IGF2R: variants seen among roughly 807,000 people sequenced by gnomAD.
The protein encoded by IGF2R is insulin like growth factor 2 receptor.
In IGF2R, 91 loss-of-function variants were observed where a neutral mutation model predicts 270.6. The observed-to-expected ratio is 0.34, with a 90% CI of 0.28 to 0.40. IGF2R has a LOEUF of 0.40. Among genes scored for constraint, IGF2R ranks in the 10% least tolerant of loss-of-function variants. The pLI, the probability that IGF2R is intolerant of heterozygous loss-of-function variation, is 1.00. For missense variants in IGF2R, 2,805 were observed against 3,188.3 expected, an observed-to-expected ratio of 0.88 and a Z score of 2.90; for synonymous variants, 1,316 against 1,258.9, an observed-to-expected ratio of 1.05 and a Z score of -0.96.
At chr6:160,023,496 T>A (rs533523291) in intron 4 of IGF2R, among the ~76,000 whole-genome samples, 1 of 152,204 alleles carries the variant, frequency 6.6e-6, no homozygotes, top group Non-Finnish European at 1.5e-5. Context: ...ATAACACTTA[T>A]GCCAACCTGC....
At chr6:159,983,900 G>A (rs987874123) in intron 1 of IGF2R, among the ~76,000 whole-genome samples, 2 of 152,214 alleles carry the variant, frequency 1.3e-5, no homozygotes, top group African/African-American at 4.8e-5. Context: ...AAACCAGTTG[G>A]GTATGGGAAG....
At chr6:159,988,689 C>G (rs899373217) in intron 1 of IGF2R, among the ~76,000 whole-genome samples, 1 of 152,084 alleles carries the variant, frequency 6.6e-6, no homozygotes, top group Non-Finnish European at 1.5e-5. Flanking sequence ...AAGTTTGTCT[C>G]TGTTATCCTG....
intron 27 of IGF2R, among the ~76,000 whole-genome samples, 147 bp from the exon 28 acceptor site, chr6:160,064,247 AGTGTAAT>A (rs770754561): frequency 1.3e-5 from 2 of 152,178 alleles, no homozygotes; most frequent in African/African-American, 2.4e-5. Flanking sequence ...TTATTCCCAA[AGTGTAAT>A]GTGACAGGAG....
At chr6:160,052,603 C>G (rs1374244979) in intron 19 of IGF2R, among the ~76,000 whole-genome samples, 7 of 152,014 alleles carry the variant, frequency 4.6e-5, no homozygotes, top group Non-Finnish European at 1.5e-5. Flanking sequence ...CATATGGAAC[C>G]AAAAAAGAGC....
chr6:160,024,825 T>A, intron 5 of IGF2R, 121 bp downstream of exon 5: 2 of 1,146,632 alleles, frequency 1.7e-6, no homozygotes. Context: ...GGCCCTCTAA[T>A]AAAGCTTTTG....
chr6:160,038,371 G>C (rs1583273473), intron 10 of IGF2R, among the ~76,000 whole-genome samples: 1 of 152,172 alleles, frequency 6.6e-6, no homozygotes. Context: ...ACAGCTTACT[G>C]TTCTGCTAAA....
intron 29 of IGF2R, among the ~76,000 whole-genome samples, chr6:160,065,330 T>A (rs1432692755): frequency 6.6e-6 from 1 of 152,102 alleles, no homozygotes; most frequent in Non-Finnish European, 1.5e-5. Context: ...TGCGGTTCTG[T>A]TTTTTGGAGG....
intron 9 of IGF2R, among the ~76,000 whole-genome samples, chr6:160,033,414 G>A: frequency 6.6e-6 from 1 of 152,258 alleles, no homozygotes; most frequent in Non-Finnish European, 1.5e-5. Flanking sequence ...TGGATTAGAG[G>A]CGTGTGCCTT....
At position 160,050,278 on chromosome 6, in the gene IGF2R, C is replaced by T. The variant is rs17847633; in HGVS notation, c.2515-195C>T. ...TTGGTGCTCAATTGCATGCCTGGAA[C>T]GCAGCATGCAGTTGTTGTTAACTCT... On this transcript the variant is annotated intron_variant, in intron 18 of 47. Transcript: ENST00000356956. This position sits in a 1 kb window ranked among gnomAD's most constrained non-coding sequence, Gnocchi z 4.0. 4.6e-5 allele frequency among the ~76,000 whole-genome samples: 7 copies of T among 152,260 alleles called. No individual in the cohort carries two copies. The East Asian group carries it at 9.6e-4, about 21-fold the overall frequency.
rs1013476795 is a variant in IGF2R at position 159,998,697 on chromosome 6, T to G, written c.289+7374T>G. 3.9e-5 allele frequency among the ~76,000 whole-genome samples: 6 copies of G among 151,956 alleles called. No homozygotes were observed. The highest frequency in any genetic ancestry group is 1.4e-4 in the African/African-American group (6 of 41,416). ...CAGAGCTTGAAACTTCCAGAGGGAGTCATCATATATACTTTCAGGACTCTC... is the reference window on the plus strand; with the variant it reads ...CAGAGCTTGAAACTTCCAGAGGGAGGCATCATATATACTTTCAGGACTCTC... On this transcript the variant is annotated intron_variant, in intron 2 of 47. Coordinates refer to ENST00000356956, the MANE Select transcript of IGF2R (RefSeq NM_000876.4). This position sits in a 1 kb window ranked among gnomAD's most constrained non-coding sequence, Gnocchi z 4.1.
At chr6:160,049,587 G>C (rs561532208) in intron 18 of IGF2R, among the ~76,000 whole-genome samples, 1 of 152,174 alleles carries the variant, frequency 6.6e-6, no homozygotes, top group East Asian at 1.9e-4. Context: ...GAACTTCCGC[G>C]CTGCACTGCC....
In IGF2R at chr6:160,012,496, C is replaced by T. The variant is rs897796104; in HGVS notation, c.513+1711C>T. Among the ~76,000 whole-genome samples the T allele has an allele frequency of 1.9e-4, 29 of 151,996 alleles. 1 individual carries two copies. Among genetic ancestry groups the T allele is most frequent in the Non-Finnish European group, 4.4e-5 (3 of 68,012 alleles). On this transcript the variant is annotated intron_variant, in intron 4 of 47. Transcript: ENST00000356956. ...GAAGGCAACAGAGTATCGAGCACCT[C>T]ACGTGGCCAGAGCCTGAGGAAGAGA... is the stretch of plus-strand genomic sequence containing the variant.
intron 29 of IGF2R, among the ~76,000 whole-genome samples, chr6:160,067,984 T>A (rs1778621001): frequency 6.6e-6 from 1 of 152,084 alleles, no homozygotes; most frequent in African/African-American, 2.4e-5. Flanking sequence ...TGTTAAAATT[T>A]AAATTTTTTT....
At chr6:160,065,814 G>GTGTGTGTGTGTGTATATATATATATA in intron 29 of IGF2R, among the ~76,000 whole-genome samples, 2 of 78,388 alleles carry the variant, frequency 2.6e-5, no homozygotes, top group East Asian at 3.0e-4. Flanking sequence ...GTGTGTGTGT[G>GTGTGTGTGTGTGTATATATATATATA]TATATATATA....
In IGF2R at chr6:160,048,412, T is replaced by C; in HGVS notation, c.2383T>C (p.Tyr795His). 1.2e-6 allele frequency: 2 copies of C among 1,614,246 alleles called. No individual in the cohort carries two copies. Among genetic ancestry groups the C allele is most frequent in the East Asian group, 2.2e-5 (1 of 44,890 alleles). Reference sequence around the variant, plus strand: ...TGAAGGTGGCCTTGGAGGAAACTGGTATGCCATGGACAACTCAGGGGAACA... The same window carrying C: ...TGAAGGTGGCCTTGGAGGAAACTGGCATGCCATGGACAACTCAGGGGAACA... ...KSEGGLGGNWYAMDNSGEHVT... is the reference protein window; with the variant it reads ...KSEGGLGGNWHAMDNSGEHVT... Residue 795 changes from tyrosine to histidine, a missense_variant, in exon 18 of 48, where the codon TAT (tyrosine) becomes CAT (histidine). By Grantham distance (83) the Tyr-to-His change is moderately conservative (BLOSUM62 2). Around this residue, in one of 2 missense-constraint regions of IGF2R, gnomAD observed 1,851 missense variants for 2,207.2 expected, o/e 0.84. Coordinates refer to ENST00000356956, the MANE Select transcript of IGF2R (RefSeq NM_000876.4).
At position 160,084,649 on chromosome 6, in the gene IGF2R, G is replaced by T. The variant is rs556509265; in HGVS notation, c.6069-346G>T. ...AGGAGCAGGGGCATGGACTCACAGG[G>T]TTTAAGTGGTTCTAAGTGAGGTGGG... On this transcript the variant is annotated intron_variant, in intron 40 of 47. Transcript: ENST00000356956. The surrounding 1 kb of genome is among the most constrained non-coding windows in gnomAD (Gnocchi z 4.6). Among the ~76,000 whole-genome samples the T allele has an allele frequency of 1.3e-5, 2 of 152,230 alleles. No individual in the cohort carries two copies. Among genetic ancestry groups the T allele is most frequent in the Admixed American group, 1.3e-4 (2 of 15,294 alleles).
intron 19 of IGF2R, among the ~76,000 whole-genome samples, chr6:160,055,002 A>G (rs1354542861): frequency 6.6e-6 from 1 of 151,674 alleles, no homozygotes; most frequent in Admixed American, 6.6e-5. Flanking sequence ...CCTGAGAGAC[A>G]CTTCCTTTAG....
chr6:160,082,790 C>T (rs1583298180), intron 39 of IGF2R, among the ~76,000 whole-genome samples: 2 of 152,188 alleles, frequency 1.3e-5, no homozygotes, highest in Non-Finnish European at 2.9e-5. Context: ...CAGGGCAGCA[C>T]GTGGTGTGTT....
rs9457813 is a variant in IGF2R at position 160,045,568 on chromosome 6, A to G, written c.1766-177A>G. ...TTGTCTCTACGGATTTGACTGTTCTAGATACCTCATATAGGTGGAATGCTA... is the reference window on the plus strand; with the variant it reads ...TTGTCTCTACGGATTTGACTGTTCTGGATACCTCATATAGGTGGAATGCTA... On this transcript the variant is annotated intron_variant, in intron 13 of 47. Coordinates refer to ENST00000356956, the MANE Select transcript of IGF2R (RefSeq NM_000876.4). 2.3e-3 allele frequency among the ~76,000 whole-genome samples: 357 copies of G among 152,316 alleles called. 1 individual carries two copies. The highest frequency in any genetic ancestry group is 8.5e-3 in the African/African-American group (354 of 41,562).
Sources: gnomAD v4.1 joint callset for allele counts (sites outside exome capture counted in the v4.1 genomes callset) on GRCh38, gnomAD v4.1.1 for gene constraint, gnomAD v4.1.1 regional missense constraint, Gnocchi (gnomAD v3.1) non-coding constraint, MANE v1.5 for transcripts, NCBI Gene and HGNC (gene_info 2026-07-23, HGNC 2026-07-21) for gene names.